The following DOCK1 variants were observed in gnomAD, a reference collection of about 807,000 sequenced individuals.
DOCK1 encodes dedicator of cytokinesis protein 1.
In DOCK1, 138 loss-of-function variants were observed where a neutral mutation model predicts 262.7. The observed-to-expected ratio is 0.53, with a 90% CI of 0.46 to 0.61. The LOEUF (loss-of-function observed/expected upper bound fraction) is 0.61, where lower values mean the gene tolerates loss of function less well. DOCK1 is among the 20% of genes least tolerant of loss of function. The probability of loss-of-function intolerance (pLI) is 0.00; values close to 1 mark genes in which losing one functional copy is unlikely to be tolerated. For synonymous variants in DOCK1, 866 were observed against 867.4 expected, an observed-to-expected ratio of 1.00 and a Z score of 0.03; for missense variants, 1,908 against 2,370.7, an observed-to-expected ratio of 0.80 and a Z score of 4.05.
intron 21 of DOCK1, among the ~76,000 whole-genome samples, chr10:127,047,200 A>AG (rs5788824): frequency 0.93 from 142,146 of 152,292 alleles, 66,348 homozygotes; most frequent in African/African-American, 0.96. Context: ...CTTATGAACA[A>AG]GATTATTATT....
chr10:126,950,092 T>C (rs2036072751), intron 1 of DOCK1, among the ~76,000 whole-genome samples: 2 of 152,044 alleles, frequency 1.3e-5, no homozygotes, highest in African/African-American at 2.4e-5. Flanking sequence ...GAATGAGTAG[T>C]AATCCCTCCC....
At chr10:127,280,420 T>A (rs1008600915) in intron 29 of DOCK1, among the ~76,000 whole-genome samples, 1 of 152,174 alleles carries the variant, frequency 6.6e-6, no homozygotes, top group African/African-American at 2.4e-5. Context: ...AGGTTTTTTT[T>A]ATTTTGACAG....
At chr10:127,139,832 C>G (rs931742972) in intron 27 of DOCK1, among the ~76,000 whole-genome samples, 1 of 152,126 alleles carries the variant, frequency 6.6e-6, no homozygotes, top group African/African-American at 2.4e-5. Flanking sequence ...TGCCCATGAA[C>G]GAGCCTCCTA....
intron 48 of DOCK1, among the ~76,000 whole-genome samples, chr10:127,433,656 G>A (rs563675131): frequency 1.3e-5 from 2 of 151,960 alleles, no homozygotes; most frequent in African/African-American, 2.4e-5. Flanking sequence ...ACCACTTTGG[G>A]TGAGGTTTTC....
intron 25 of DOCK1, among the ~76,000 whole-genome samples, chr10:127,120,190 A>C (rs1298737614): frequency 6.6e-6 from 1 of 152,164 alleles, no homozygotes; most frequent in Non-Finnish European, 1.5e-5. Flanking sequence ...GTCAGCACTG[A>C]CAAGCACTGG....
intron 31 of DOCK1, among the ~76,000 whole-genome samples, chr10:127,352,343 G>A (rs2063925340): frequency 6.6e-6 from 1 of 151,328 alleles, no homozygotes; most frequent in East Asian, 2.0e-4. Context: ...AAGAGGATGG[G>A]GAGGAGCGGA....
At chr10:127,039,112 A>G (rs2043850423) in intron 19 of DOCK1, among the ~76,000 whole-genome samples, 2 of 152,342 alleles carry the variant, frequency 1.3e-5, no homozygotes, top group Admixed American at 6.5e-5. Context: ...TTCAGTATCA[A>G]TTAATTTGGT....
At chr10:127,122,323 A>G (rs1165100329) in intron 25 of DOCK1, among the ~76,000 whole-genome samples, 1 of 152,160 alleles carries the variant, frequency 6.6e-6, no homozygotes, top group African/African-American at 2.4e-5. Flanking sequence ...AATCCCTGGC[A>G]TGGGCAGACT....
At chr10:127,312,719 C>T (rs1305223648) in intron 29 of DOCK1, among the ~76,000 whole-genome samples, 2 of 151,978 alleles carry the variant, frequency 1.3e-5, no homozygotes, top group Non-Finnish European at 2.9e-5. Context: ...AATGTTTTCT[C>T]TCTTCACTTG....
intron 29 of DOCK1, among the ~76,000 whole-genome samples, chr10:127,267,123 ATCTC>A (rs2060389907): frequency 6.6e-6 from 1 of 152,156 alleles, no homozygotes. Context: ...TTTTAGTTTT[ATCTC>A]CAGAGGTTGC....
At position 127,340,367 on chromosome 10, in the gene DOCK1, G is replaced by A. The variant is rs183972697; in HGVS notation, c.3123+1283G>A. Among the ~76,000 whole-genome samples, 5 of 152,100 alleles carry A rather than the reference G, an allele frequency of 3.3e-5. 1 individual carries two copies. The highest frequency in any genetic ancestry group is 1.5e-5 in the Non-Finnish European group (1 of 68,000). ...CTCATTGTTCTGAATTCTTTGTCACGCTTTCAGCATTTATATGGGCCTGTG... is the reference window on the plus strand; with the variant it reads ...CTCATTGTTCTGAATTCTTTGTCACACTTTCAGCATTTATATGGGCCTGTG... On this transcript the variant is annotated intron_variant, in intron 30 of 51. Transcript: ENST00000623213.
intron 21 of DOCK1, among the ~76,000 whole-genome samples, chr10:127,045,540 T>C (rs1051512910): frequency 9.2e-5 from 14 of 152,256 alleles, no homozygotes; most frequent in African/African-American, 3.4e-4. Flanking sequence ...AGGCTTACTT[T>C]AGACTCTTGT....
chr10:127,121,290 A>C (rs1220458103), intron 25 of DOCK1, among the ~76,000 whole-genome samples: 2 of 151,224 alleles, frequency 1.3e-5, no homozygotes, highest in Admixed American at 6.6e-5. Context: ...TTTTGGAACT[A>C]ATGGGACTAT....
chr10:126,914,062 T>A (rs4246205), intron 1 of DOCK1, among the ~76,000 whole-genome samples: 150,710 of 152,322 alleles, frequency 0.99, 74,584 homozygotes, highest in East Asian at 1. Context: ...TAGAAGGCTG[T>A]GTTGCTTGGG....
At chr10:127,192,441 G>T (rs2056822944) in intron 27 of DOCK1, among the ~76,000 whole-genome samples, 2 of 152,222 alleles carry the variant, frequency 1.3e-5, no homozygotes, top group African/African-American at 4.8e-5. Flanking sequence ...TCAGCAGAAA[G>T]AGACACATTT....
At chr10:127,094,293 A>C (rs1422505106) in intron 23 of DOCK1, among the ~76,000 whole-genome samples, 1 of 152,246 alleles carries the variant, frequency 6.6e-6, no homozygotes, top group Admixed American at 6.5e-5. Context: ...ACAGATATTT[A>C]AATGATATTA....
intron 1 of DOCK1, among the ~76,000 whole-genome samples, chr10:126,960,599 A>G (rs1333618531): frequency 6.6e-6 from 1 of 151,450 alleles, no homozygotes; most frequent in Middle Eastern, 3.4e-3. Context: ...TGGAGGGCGC[A>G]TGGGGACTCT....
intron 29 of DOCK1, among the ~76,000 whole-genome samples, chr10:127,261,282 TG>T (rs2060088216): frequency 8.3e-6 from 1 of 120,514 alleles, no homozygotes; most frequent in African/African-American, 3.4e-5. Flanking sequence ...TGTGCCTGCA[TG>T]TGTGTGCATG....
chr10:127,262,115 GGT>G lies in DOCK1; in HGVS notation c.3044+4699_3044+4700del, dbSNP rs1335837739. Reference sequence around the variant, plus strand: ...ACCCGTGCTCCTCTGTGTGCATGTGGGTGTGTGTGTGTGTACCCGTGCTCGTC... The same window carrying G: ...ACCCGTGCTCCTCTGTGTGCATGTGGGTGTGTGTGTGTACCCGTGCTCGTC... On this transcript the variant is annotated intron_variant, in intron 29 of 51. Transcript: ENST00000623213. Among the ~76,000 whole-genome samples the G allele has an allele frequency of 4.7e-3, 517 of 110,570 alleles. 4 individuals carry two copies. The highest frequency in any genetic ancestry group is 0.017 in the African/African-American group (476 of 27,904). 72.5% of individuals were successfully genotyped at this position (110,570 alleles called of 152,430 possible).
Sources: gnomAD v4.1 joint callset for allele counts (sites outside exome capture counted in the v4.1 genomes callset) on GRCh38, gnomAD v4.1.1 for gene constraint, MANE v1.5 for transcripts, NCBI Gene and HGNC (gene_info 2026-07-23, HGNC 2026-07-21) for gene names.